NLRP2: variants seen among roughly 807,000 people sequenced by gnomAD.
NLRP2 encodes the protein NLR family pyrin domain containing 2, also known as NACHT, LRR and PYD domains-containing protein 2.
In NLRP2, 107 loss-of-function variants were observed where a neutral mutation model predicts 97.2. That is an observed-to-expected ratio of 1.10 (90% CI 0.94 to 1.29). The LOEUF is 1.29. Ranked by LOEUF, NLRP2 falls within the 50% of genes most tolerant of loss-of-function variation. NLRP2 has a pLI of 0.00. For synonymous variants in NLRP2, 663 were observed against 551.5 expected, an observed-to-expected ratio of 1.20 and a Z score of -2.83; for missense variants, 1,495 against 1,330.3, an observed-to-expected ratio of 1.12 and a Z score of -1.93.
chr19:54,978,961 G>A (rs2071410901), intron 4 of NLRP2, among the ~76,000 whole-genome samples: 1 of 151,782 alleles, frequency 6.6e-6, no homozygotes. Context: ...TGACTTGCCT[G>A]AGCTGACTTT....
At chr19:54,977,913 T>C (rs1479236285) in intron 4 of NLRP2, 90 bp downstream of exon 4, 4 of 1,176,436 alleles carry the variant, frequency 3.4e-6, no homozygotes. Flanking sequence ...ACCCCATCTC[T>C]CTCCAATCTT....
chr19:54,983,615 A>T lies in NLRP2; in HGVS notation c.1917A>T (p.Pro639=). The T allele has an allele frequency of 6.2e-7, 1 of 1,614,176 alleles. No individual in the cohort carries two copies. The change falls in exon 6 of 13, where the codon CCA becomes CCT. Residue 639 remains proline, a synonymous_variant. Transcript: ENST00000448584. ...ACTTAAATGCAGTAGACGTTGTGCC[A>T]TCTTCATTCTGCGTCAAGCACTGTC... The part of the protein sequence containing the change: ...SLHLNAVDVV[P]SSFCVKHCRN...
In NLRP2 at chr19:54,982,601, C is replaced by G. The variant is rs144397371; in HGVS notation, c.903C>G (p.Ile301Met). The change falls in exon 6 of 13, where the codon ATC becomes ATG. Residue 301 changes from isoleucine to methionine, a missense_variant. Ile to Met is a conservative substitution (Grantham distance 10). Transcript: ENST00000448584. Reference sequence around the variant, plus strand: ...TGGGAGCCGCACCTGGGGCGCTGATCGAGGACATCTGCGGGGACTGGGAGA... The same window carrying G: ...TGGGAGCCGCACCTGGGGCGCTGATGGAGGACATCTGCGGGGACTGGGAGA... ...DELGAAPGAL[I>M]EDICGDWEKK... The G allele has an allele frequency of 5.6e-6, 9 of 1,613,994 alleles. No homozygotes were observed. The highest frequency in any genetic ancestry group is 2.7e-5 in the African/African-American group (2 of 74,898).
intron 5 of NLRP2, 108 bp downstream of exon 5, chr19:54,981,790 T>A: frequency 5.0e-6 from 4 of 797,700 alleles, no homozygotes; most frequent in South Asian, 4.1e-5. Flanking sequence ...TATGTATGTA[T>A]GTATCGAGAC....
At chr19:54,997,861 C>T (rs905431614) in intron 12 of NLRP2, among the ~76,000 whole-genome samples, 3 of 53,446 alleles carry the variant, frequency 5.6e-5, no homozygotes, top group Non-Finnish European at 7.4e-5. Flanking sequence ...CTCCTGGGCT[C>T]AAGCAATCCT....
chr19:54,971,662 TG>T (rs1179477452), intron 2 of NLRP2, among the ~76,000 whole-genome samples: 1 of 152,092 alleles, frequency 6.6e-6, no homozygotes, highest in East Asian at 1.9e-4. Context: ...CACTTTTTGA[TG>T]GGGTTGTTTG....
chr19:54,974,799 G>C (rs775893), intron 3 of NLRP2, among the ~76,000 whole-genome samples: 113,074 of 151,996 alleles, frequency 0.74, 42,398 homozygotes, highest in African/African-American at 0.81. Context: ...TCTGGATAAG[G>C]TAGAGACTTT....
intron 1 of NLRP2, among the ~76,000 whole-genome samples, chr19:54,967,291 T>G (rs1568457132): frequency 6.6e-6 from 1 of 152,138 alleles, no homozygotes; most frequent in South Asian, 2.1e-4. Context: ...GAGACCAGCC[T>G]GACCAACATG....
chr19:54,983,261 G>T lies in NLRP2; in HGVS notation c.1563G>T (p.Glu521Asp), dbSNP rs1283152392. 2 of 1,612,744 alleles carry T rather than the reference G, an allele frequency of 1.2e-6. No homozygotes were observed. The highest frequency in any genetic ancestry group is 2.7e-5 in the African/African-American group (2 of 74,882). The part of the protein sequence containing the change: ...TALFYTLEKE[E>D]EEDRDGHTWD... The stretch of plus-strand genomic sequence containing the variant: ...TGTTCTACACCCTGGAGAAGGAGGA[G>T]GAAGAGGATAGGGACGGCCACACCT... Residue 521 changes from glutamate to aspartate, a missense_variant, in exon 6 of 13, where the codon GAG becomes GAT. Glu to Asp is a conservative substitution (Grantham distance 45). Coordinates refer to ENST00000448584, the MANE Select transcript of NLRP2 (RefSeq NM_017852.5).
intron 3 of NLRP2, among the ~76,000 whole-genome samples, chr19:54,976,504 G>A (rs189292917): frequency 5.4e-4 from 82 of 151,474 alleles, no homozygotes; most frequent in Non-Finnish European, 8.5e-4. Flanking sequence ...CTACCACCAC[G>A]TCTGGCTAAT....
intron 10 of NLRP2, 68 bp from the exon 11 acceptor site, chr19:54,994,201 C>T (rs2072665784): frequency 1.9e-6 from 3 of 1,539,770 alleles, no homozygotes; most frequent in Non-Finnish European, 1.8e-6. Context: ...GCTCAAGAGT[C>T]AAAGGTGCAT....
intron 2 of NLRP2, among the ~76,000 whole-genome samples, chr19:54,971,350 C>T (rs533456089): frequency 1.3e-5 from 2 of 152,030 alleles, no homozygotes; most frequent in East Asian, 1.9e-4. Flanking sequence ...AATGGGATGG[C>T]TGGGTCAAAT....
At chr19:54,979,485 G>A (rs1197938335) in intron 4 of NLRP2, among the ~76,000 whole-genome samples, 1 of 151,776 alleles carries the variant, frequency 6.6e-6, no homozygotes, top group Admixed American at 6.6e-5. Flanking sequence ...GATCATAGGC[G>A]CCCACCACCA....
chr19:54,975,887 A>G (rs1364480653), intron 3 of NLRP2, among the ~76,000 whole-genome samples: 1 of 152,060 alleles, frequency 6.6e-6, no homozygotes, highest in Non-Finnish European at 1.5e-5. Flanking sequence ...AGTAGCTGGG[A>G]CTACAGGTGT....
At chr19:54,996,150 T>C (rs931722056) in intron 11 of NLRP2, among the ~76,000 whole-genome samples, 2 of 151,348 alleles carry the variant, frequency 1.3e-5, no homozygotes, top group East Asian at 3.9e-4. Flanking sequence ...AAGGCTGCAG[T>C]GAGCCAAGAT....
rs533975409 is a variant in NLRP2, at chr19:54,985,308, G to C, written c.2201+91G>C. ...GAGCAATATTCAGATTCCTGTACTA[G>C]ACTCTTAAGTGCTCGAGACACAGGG... is the stretch of plus-strand genomic sequence containing the variant. On this transcript the variant is annotated intron_variant, in intron 7 of 12. Transcript: ENST00000448584. 6.7e-5 allele frequency: 81 copies of C among 1,216,258 alleles called. No homozygotes were observed. In the South Asian group the frequency reaches 8.6e-4, roughly 13 times the overall value. The allele number at this position is 1,216,258 out of a possible 1,614,324, so 75.3% of individuals were successfully genotyped here.
chr19:54,976,295 C>T (rs2071224848), intron 3 of NLRP2, among the ~76,000 whole-genome samples: 1 of 149,370 alleles, frequency 6.7e-6, no homozygotes, highest in Admixed American at 6.7e-5. Flanking sequence ...CCTCGTGATC[C>T]ACGTGCCTCA....
chr19:55,001,121 G>C lies in NLRP2; in HGVS notation c.*223G>C. On this transcript the variant is annotated 3_prime_UTR_variant, in exon 13 of 13. Coordinates refer to ENST00000448584, the MANE Select transcript of NLRP2 (RefSeq NM_017852.5). ...TCACGGGTATATTGAGAGAAATAAAGGTGAGAGCATTCACAAATGAAGCTG... is the reference window on the plus strand; with the variant it reads ...TCACGGGTATATTGAGAGAAATAAACGTGAGAGCATTCACAAATGAAGCTG... The C allele has an allele frequency of 2.0e-6, 1 of 509,408 alleles. No individual in the cohort carries two copies. Among genetic ancestry groups the C allele is most frequent in the Non-Finnish European group, 3.5e-6 (1 of 283,124 alleles). 31.6% of individuals were successfully genotyped at this position (509,408 alleles called of 1,614,324 possible).
chr19:54,986,880 TTTTC>T (rs2072126435), intron 8 of NLRP2, among the ~76,000 whole-genome samples: 1 of 150,822 alleles, frequency 6.6e-6, no homozygotes, highest in Non-Finnish European at 1.5e-5. Context: ...GGTTTTGGTT[TTTTC>T]TTTTTCTTTT....
Sources: gnomAD v4.1 joint callset for allele counts (sites outside exome capture counted in the v4.1 genomes callset) on GRCh38, gnomAD v4.1.1 for gene constraint, MANE v1.5 for transcripts, NCBI Gene and HGNC (gene_info 2026-07-23, HGNC 2026-07-21) for gene names.